Variants in DISC1 observed in about 807,000 individuals in gnomAD.
DISC1 encodes DISC1 scaffold protein, also known as disrupted in schizophrenia 1 protein.
DISC1 carries 57 observed loss-of-function variants against 84.5 expected under a neutral mutation model. That is an observed-to-expected ratio of 0.67 (90% CI 0.55 to 0.84). DISC1 has a LOEUF of 0.84. DISC1 is among the 40% of genes least tolerant of loss of function. The pLI is 0.00. For synonymous variants in DISC1, 411 were observed against 415.2 expected (o/e 0.99, Z 0.12); for missense variants, 1,000 against 1,057.8 (o/e 0.95, Z 0.76).
rs139485560 is a variant in DISC1 at position 231,898,942 on chromosome 1, A to G, written c.1982-59886A>G. On this transcript the variant is annotated intron_variant, in intron 9 of 12. Coordinates refer to ENST00000439617, the MANE Select transcript of DISC1 (RefSeq NM_018662.3). ...AGCAAGACTGTCTAAAGACAAAACA[A>G]AACAAAAAATGAAACAAAACAAAAA... 5.2e-3 allele frequency among the ~76,000 whole-genome samples: 794 copies of G among 152,252 alleles called. 9 individuals carry two copies. Among genetic ancestry groups the G allele is most frequent in the African/African-American group, 0.018 (764 of 41,558 alleles).
At chr1:231,977,336 T>C (rs1251090431) in intron 10 of DISC1, among the ~76,000 whole-genome samples, 1 of 152,182 alleles carries the variant, frequency 6.6e-6, no homozygotes, top group African/African-American at 2.4e-5. Flanking sequence ...AAAGTCAAGG[T>C]GTCCACAGGG....
intron 1 of DISC1, among the ~76,000 whole-genome samples, chr1:231,688,142 AGAGTGT>A (rs1463315764): frequency 6.6e-6 from 1 of 152,158 alleles, no homozygotes; most frequent in African/African-American, 2.4e-5. Flanking sequence ...TAAAGAGAGA[AGAGTGT>A]GATAATTCCT....
intron 9 of DISC1, among the ~76,000 whole-genome samples, chr1:231,923,453 G>A (rs1432742166): frequency 6.6e-6 from 1 of 152,168 alleles, no homozygotes; most frequent in Non-Finnish European, 1.5e-5. Context: ...AGGTGTTCGA[G>A]GCTGCTGCCA....
At chr1:231,840,744 G>C (rs1243694700) in intron 9 of DISC1, among the ~76,000 whole-genome samples, 1 of 151,198 alleles carries the variant, frequency 6.6e-6, no homozygotes. Flanking sequence ...GTCTCGCTCT[G>C]TCACCCAGGC....
chr1:231,713,978 C>T (rs993667758), intron 3 of DISC1, among the ~76,000 whole-genome samples: 31 of 151,278 alleles, frequency 2.0e-4, no homozygotes, highest in African/African-American at 6.0e-4. Context: ...TCTCTATTTG[C>T]GATTGACATT....
At chr1:232,019,914 C>T (rs931298064) in intron 11 of DISC1, among the ~76,000 whole-genome samples, 1 of 152,070 alleles carries the variant, frequency 6.6e-6, no homozygotes, top group Non-Finnish European at 1.5e-5. Context: ...GGAGCATATC[C>T]CTTTAATAAG....
At chr1:232,026,091 T>A (rs1669442509) in intron 11 of DISC1, among the ~76,000 whole-genome samples, 1 of 152,152 alleles carries the variant, frequency 6.6e-6, no homozygotes, top group Non-Finnish European at 1.5e-5. Context: ...CCCACTTTTT[T>A]TAGAATCCCT....
chr1:231,938,770 A>G (rs1040764555), intron 9 of DISC1, among the ~76,000 whole-genome samples: 4 of 152,188 alleles, frequency 2.6e-5, no homozygotes, highest in African/African-American at 2.4e-5. Flanking sequence ...AATTAATCCT[A>G]TAAACTGACA....
intron 10 of DISC1, among the ~76,000 whole-genome samples, chr1:231,975,116 C>A (rs1053447340): frequency 1.3e-5 from 2 of 151,024 alleles, no homozygotes; most frequent in African/African-American, 4.9e-5. Context: ...AACAAAACAA[C>A]AATAACAACA....
intron 3 of DISC1, 124 bp from the exon 4 acceptor site, chr1:231,749,802 A>G (rs2074405069): frequency 2.7e-5 from 35 of 1,299,656 alleles, no homozygotes; most frequent in Non-Finnish European, 3.6e-5. Flanking sequence ...CCTAGAAACT[A>G]GTAACCTTGT....
chr1:231,806,876 G>A (rs974171786), intron 8 of DISC1, among the ~76,000 whole-genome samples: 3 of 152,244 alleles, frequency 2.0e-5, no homozygotes, highest in Admixed American at 6.5e-5. Context: ...CGAGAGTGTG[G>A]CACTACAGCA....
At chr1:231,627,081 G>A (rs1441818295) in intron 1 of DISC1, 147 bp downstream of exon 1, 1 of 562,998 alleles carries the variant, frequency 1.8e-6, no homozygotes, top group African/African-American at 2.0e-5. Context: ...CAGGACGCGA[G>A]GCGTGCGAGG....
rs541735920 is a variant in DISC1, at chr1:231,849,974, C to T, written c.1981+31457C>T. Among the ~76,000 whole-genome samples, 25 of 152,342 alleles carry T rather than the reference C, an allele frequency of 1.6e-4. No individual in the cohort carries two copies. The Middle Eastern group carries it at 0.014, about 83-fold the overall frequency. ...TTGGAAGCATGAGACAGACTCTGTA[C>T]ATTAAAATGCTTCCATAGCACTCAC... On this transcript the variant is annotated intron_variant, in intron 9 of 12. Coordinates refer to ENST00000439617, the MANE Select transcript of DISC1 (RefSeq NM_018662.3).
At chr1:231,811,710 C>G (rs35823828) in intron 8 of DISC1, among the ~76,000 whole-genome samples, 14,411 of 152,160 alleles carry the variant, frequency 0.095, 966 homozygotes, top group Non-Finnish European at 0.14. Flanking sequence ...GGATTCATCC[C>G]CCTCACCATG....
At chr1:231,751,315 G>A (rs2125330917) in intron 4 of DISC1, among the ~76,000 whole-genome samples, 1 of 152,306 alleles carries the variant, frequency 6.6e-6, no homozygotes, top group South Asian at 2.1e-4. Flanking sequence ...AGGGCACAAA[G>A]ATTGAGGCAC....
intron 2 of DISC1, among the ~76,000 whole-genome samples, chr1:231,699,281 G>A (rs1024648960): frequency 6.6e-6 from 1 of 152,174 alleles, no homozygotes; most frequent in Non-Finnish European, 1.5e-5. Context: ...GTCAGTGTAA[G>A]TACTAGCATC....
At chr1:231,880,158 A>G (rs1157979921) in intron 9 of DISC1, among the ~76,000 whole-genome samples, 1 of 152,182 alleles carries the variant, frequency 6.6e-6, no homozygotes, top group Non-Finnish European at 1.5e-5. Flanking sequence ...GTGGTTTTAT[A>G]ATAGGAAGAG....
intron 10 of DISC1, among the ~76,000 whole-genome samples, chr1:231,971,041 A>G (rs529552478): frequency 1.5e-4 from 23 of 152,352 alleles, no homozygotes; most frequent in African/African-American, 5.3e-4. Context: ...AATGTGCTTC[A>G]CAGTGTGCAC....
chr1:232,026,837 C>T (rs1458326093), intron 12 of DISC1, among the ~76,000 whole-genome samples: 1 of 147,234 alleles, frequency 6.8e-6, no homozygotes, highest in Admixed American at 6.9e-5. Flanking sequence ...CAGCCTCCAC[C>T]TCCTGGGTTC....
Sources: gnomAD v4.1 joint callset for allele counts (sites outside exome capture counted in the v4.1 genomes callset) on GRCh38, gnomAD v4.1.1 for gene constraint, MANE v1.5 for transcripts, NCBI Gene and HGNC (gene_info 2026-07-23, HGNC 2026-07-21) for gene names.